SVOP: variants seen among roughly 807,000 people sequenced by gnomAD.
SVOP encodes synaptic vesicle 2-related protein.
In SVOP, 17 loss-of-function variants were observed where a neutral mutation model predicts 69.1. That is an observed-to-expected ratio of 0.25 (90% CI 0.17 to 0.37). SVOP has a LOEUF of 0.37. SVOP is among the 10% of genes least tolerant of loss of function. The pLI, the probability that SVOP is intolerant of heterozygous loss-of-function variation, is 1.00. For synonymous variants in SVOP, 238 were observed against 238.6 expected (o/e 1.00, Z 0.02); for missense variants, 435 against 597.5 (o/e 0.73, Z 2.84).
intron 2 of SVOP, among the ~76,000 whole-genome samples, chr12:108,983,386 C>G (rs2137438381): frequency 6.6e-6 from 1 of 152,288 alleles, no homozygotes; most frequent in African/African-American, 2.4e-5. Flanking sequence ...CCATCCTCAG[C>G]CAAGTGTTGT....
rs1352714227 is a variant in SVOP, at chr12:108,982,010, CCAT to C, written c.196+1588_196+1590del. ...TTCATCATCACCACCATCATCACTA[CCAT>C]CATCATCATCACCACCATCATCATC... On this transcript the variant is annotated intron_variant, in intron 2 of 15. Transcript: ENST00000610966. 4.7e-5 allele frequency among the ~76,000 whole-genome samples: 7 copies of C among 149,806 alleles called. No homozygotes were observed. The South Asian group carries it at 8.6e-4, about 18-fold the overall frequency.
chr12:108,951,329 G>A (rs1021510634), intron 6 of SVOP, among the ~76,000 whole-genome samples: 1 of 152,194 alleles, frequency 6.6e-6, no homozygotes, highest in Non-Finnish European at 1.5e-5. Context: ...GCCCTCTACT[G>A]GAGGTAAAAA....
intron 6 of SVOP, among the ~76,000 whole-genome samples, chr12:108,947,207 T>A (rs1454641539): frequency 1.3e-5 from 2 of 152,150 alleles, no homozygotes; most frequent in Non-Finnish European, 2.9e-5. Context: ...GTCATCACCT[T>A]TCTAAGAAGC....
chr12:108,915,292 G>A (rs2039706932), intron 15 of SVOP, among the ~76,000 whole-genome samples: 1 of 152,056 alleles, frequency 6.6e-6, no homozygotes, highest in Non-Finnish European at 1.5e-5. Flanking sequence ...TCCCCAGGTA[G>A]TGAGCCCAGT....
chr12:108,920,257 C>T (rs984957441), intron 12 of SVOP, among the ~76,000 whole-genome samples: 7 of 152,190 alleles, frequency 4.6e-5, no homozygotes, highest in African/African-American at 1.7e-4. Context: ...CCCAGAGAAG[C>T]CACAACAACT....
intron 1 of SVOP, among the ~76,000 whole-genome samples, chr12:108,997,241 C>T (rs536001010): frequency 5.3e-5 from 8 of 152,148 alleles, no homozygotes; most frequent in African/African-American, 1.4e-4. Context: ...CCGAATATTG[C>T]GCTTTTCAGA....
intron 4 of SVOP, among the ~76,000 whole-genome samples, chr12:108,977,038 A>G (rs1238395606): frequency 4.6e-5 from 7 of 152,192 alleles, no homozygotes; most frequent in Admixed American, 3.3e-4. Context: ...CACCTACTCT[A>G]TGCCAGGCAC....
chr12:109,017,522 A>G (rs551872770), intron 1 of SVOP, among the ~76,000 whole-genome samples: 6 of 152,192 alleles, frequency 3.9e-5, no homozygotes, highest in South Asian at 4.1e-4. Flanking sequence ...TGAGGGACAG[A>G]TTTTTTTAAA....
chr12:108,951,678 G>A (rs1430043705), intron 6 of SVOP, among the ~76,000 whole-genome samples: 2 of 152,142 alleles, frequency 1.3e-5, no homozygotes, highest in African/African-American at 4.8e-5. Context: ...CAGAAACGCC[G>A]TGGATATAAA....
intron 14 of SVOP, among the ~76,000 whole-genome samples, chr12:108,916,135 C>T (rs865781680): frequency 9.2e-5 from 14 of 152,210 alleles, no homozygotes; most frequent in African/African-American, 3.4e-4. Context: ...CCAAAGACTC[C>T]TCCACCAGGA....
At chr12:108,990,736 A>G (rs1366753960) in intron 1 of SVOP, among the ~76,000 whole-genome samples, 4 of 152,198 alleles carry the variant, frequency 2.6e-5, no homozygotes, top group Non-Finnish European at 5.9e-5. Flanking sequence ...AACAAAAGGC[A>G]CAGCTCCATT....
At chr12:108,931,773 G>T (rs1371759949) in intron 11 of SVOP, among the ~76,000 whole-genome samples, 1 of 151,274 alleles carries the variant, frequency 6.6e-6, no homozygotes, top group Non-Finnish European at 1.5e-5. Flanking sequence ...GGTGGAGCTT[G>T]CAGTGAGCCG....
chr12:108,980,366 C>G (rs1025932519), intron 2 of SVOP, among the ~76,000 whole-genome samples: 24 of 152,068 alleles, frequency 1.6e-4, no homozygotes, highest in Admixed American at 1.3e-4. Context: ...TTAGGGGAGG[C>G]TGGGTAAAGG....
chr12:108,970,861 A>G (rs565727628), intron 5 of SVOP, among the ~76,000 whole-genome samples: 265 of 151,806 alleles, frequency 1.7e-3, no homozygotes, highest in African/African-American at 6.2e-3. Flanking sequence ...TACAAAAAAT[A>G]AAAAAACAAT....
intron 2 of SVOP, 81 bp downstream of exon 2, chr12:108,983,520 A>G (rs2040153088): frequency 5.0e-6 from 2 of 398,432 alleles, no homozygotes; most frequent in Admixed American, 8.8e-5. Context: ...GCCCCTTCAC[A>G]TTACCCCTCT....
chr12:108,926,851 G>A (rs1262327996), intron 11 of SVOP, among the ~76,000 whole-genome samples: 7 of 152,142 alleles, frequency 4.6e-5, no homozygotes, highest in Non-Finnish European at 1.5e-5. Context: ...TTCTCTTTGG[G>A]TCTCTGACAT....
intron 1 of SVOP, among the ~76,000 whole-genome samples, chr12:109,016,071 A>C (rs2135635009): frequency 6.6e-6 from 1 of 152,368 alleles, no homozygotes; most frequent in East Asian, 1.9e-4. Context: ...TGCTGAGTGG[A>C]GGAAAACAAT....
intron 9 of SVOP, among the ~76,000 whole-genome samples, chr12:108,938,014 G>T (rs1394628732): frequency 2.6e-5 from 4 of 152,140 alleles, no homozygotes; most frequent in African/African-American, 9.7e-5. Context: ...AACCAAATAG[G>T]CTTCTGCACC....
At chr12:109,020,185 G>A (rs112349434) in intron 1 of SVOP, among the ~76,000 whole-genome samples, 24 of 152,000 alleles carry the variant, frequency 1.6e-4, no homozygotes, top group African/African-American at 5.8e-4. Flanking sequence ...CTTAAAAATC[G>A]CCATCCTCAA....
Sources: gnomAD v4.1 joint callset for allele counts (sites outside exome capture counted in the v4.1 genomes callset) on GRCh38, gnomAD v4.1.1 for gene constraint, MANE v1.5 for transcripts, NCBI Gene and HGNC (gene_info 2026-07-23, HGNC 2026-07-21) for gene names.